The following ANLN variants were observed in gnomAD, a reference collection of about 807,000 sequenced individuals.
ANLN encodes anillin.
A neutral mutation model predicts 135.1 loss-of-function variants in ANLN; 59 were observed. That is an observed-to-expected ratio of 0.44 (90% CI 0.35 to 0.54). ANLN has a LOEUF of 0.54. Ranked by LOEUF, ANLN falls within the 20% of genes least tolerant of loss-of-function variation. The pLI is 0.00. For synonymous variants in ANLN, 406 were observed against 456.4 expected, an observed-to-expected ratio of 0.89 and a Z score of 1.41; for missense variants, 1,182 against 1,340.0, an observed-to-expected ratio of 0.88 and a Z score of 1.84.
chr7:36,396,334 A>G lies in ANLN; in HGVS notation c.87A>G (p.Ala29=), dbSNP rs1191115686. ...LQRKMAERPT[A]APRSMTHAKR... Reference sequence around the variant, plus strand: ...GAAAAATGGCTGAGAGGCCCACAGCAGCTCCAAGGTCTATGACTCATGCTA... The same window carrying G: ...GAAAAATGGCTGAGAGGCCCACAGCGGCTCCAAGGTCTATGACTCATGCTA... The change falls in exon 2 of 24, where the codon GCA becomes GCG. Residue 29 remains alanine, a synonymous_variant. Transcript: ENST00000265748. 1.2e-6 allele frequency: 2 copies of G among 1,609,662 alleles called. No homozygotes were observed. The highest frequency in any genetic ancestry group is 1.7e-6 in the Non-Finnish European group (2 of 1,176,752).
Position 36,402,333 on chromosome 7 carries a change from A to C in ANLN, c.487+2940A>C, listed in dbSNP as rs11543677. ...TCACCATGTTGGCCAGGCTGGTCTC[A>C]AACTCCTGACCTCAGGTGATCCACC... is the stretch of plus-strand genomic sequence containing the variant. On this transcript the variant is annotated intron_variant, in intron 3 of 23. Coordinates refer to ENST00000265748, the MANE Select transcript of ANLN (RefSeq NM_018685.5). Among the ~76,000 whole-genome samples, 8 of 53,036 alleles carry C rather than the reference A, an allele frequency of 1.5e-4. 4 individuals are homozygous for C. The highest frequency in any genetic ancestry group is 3.6e-4 in the Non-Finnish European group (8 of 22,384). 34.8% of individuals were successfully genotyped at this position (53,036 alleles called of 152,430 possible).
rs762296757 is a variant in ANLN, at chr7:36,415,816, C to T, written c.1454C>T (p.Ser485Leu). 25 of 1,610,600 alleles carry T rather than the reference C, an allele frequency of 1.6e-5. No homozygotes were observed. The South Asian group carries it at 2.8e-4, about 18-fold the overall frequency. Reference sequence around the variant, plus strand: ...CACCAAGGTGTTTCAAAAACTCAGTCACTTCCAGTAACAGAAAAGGTGACC... The same window carrying T: ...CACCAAGGTGTTTCAAAAACTCAGTTACTTCCAGTAACAGAAAAGGTGACC... Reference protein sequence around the residue: ...KKHQGVSKTQSLPVTEKVTEN... With the variant: ...KKHQGVSKTQLLPVTEKVTEN... The change falls in exon 8 of 24, where the codon TCA (serine) becomes TTA (leucine). Residue 485 changes from serine to leucine, a missense_variant. Physicochemically the swap from Ser to Leu is moderately radical, Grantham distance 145 (BLOSUM62 -2). Coordinates refer to ENST00000265748, the MANE Select transcript of ANLN (RefSeq NM_018685.5).
At chr7:36,431,561 T>TGTGTGTGTG (rs1788311850) in intron 20 of ANLN, among the ~76,000 whole-genome samples, 2 of 76,040 alleles carry the variant, frequency 2.6e-5, no homozygotes, top group African/African-American at 5.0e-5. Flanking sequence ...ATGTGTGTGT[T>TGTGTGTGTG]TGTGTGTGTG....
intron 13 of ANLN, among the ~76,000 whole-genome samples, 162 bp downstream of exon 13, chr7:36,422,154 GTA>G (rs1285919244): frequency 6.6e-6 from 1 of 152,198 alleles, no homozygotes; most frequent in Non-Finnish European, 1.5e-5. Flanking sequence ...AGAACTCTAT[GTA>G]AAACAAATTG....
Position 36,449,707 on chromosome 7 carries a change from CAGAT to C in ANLN, c.3125_3128del (p.Ile1042AsnfsTer16). On this transcript the variant is annotated frameshift_variant, in exon 23 of 24. Coordinates refer to ENST00000265748, the MANE Select transcript of ANLN (RefSeq NM_018685.5). LOFTEE classifies it high-confidence loss of function. ...AAATCTGGCTAATTGTACCAGTCGT[CAGAT>C]AGAACCAGCCAACAGAGAATTTTGT... 1.2e-6 allele frequency: 2 copies of C among 1,613,910 alleles called. No homozygotes were observed. Among genetic ancestry groups the C allele is most frequent in the Non-Finnish European group, 8.5e-7 (1 of 1,179,892 alleles).
At position 36,427,617 on chromosome 7, in the gene ANLN, GT is replaced by G. The variant is rs2116701646; in HGVS notation, c.2883+590del. ...CATCTGTCTGCCTTGGCCTCCCAAA[GT>G]GCTGGGATTATAGGTGTGAGCCACC... On this transcript the variant is annotated intron_variant, in intron 20 of 23. Coordinates refer to ENST00000265748, the MANE Select transcript of ANLN (RefSeq NM_018685.5). Among the ~76,000 whole-genome samples, 2 of 152,330 alleles carry G rather than the reference GT, an allele frequency of 1.3e-5. 1 individual carries two copies. The highest frequency in any genetic ancestry group is 4.1e-4 in the South Asian group (2 of 4,830).
chr7:36,435,739 A>T (rs1013963547), intron 20 of ANLN, among the ~76,000 whole-genome samples: 1 of 150,412 alleles, frequency 6.6e-6, no homozygotes, highest in Non-Finnish European at 1.5e-5. Flanking sequence ...CGGGCGTGGT[A>T]GCGGGCGCCT....
At chr7:36,436,604 A>G (rs908450961) in intron 20 of ANLN, among the ~76,000 whole-genome samples, 11 of 152,274 alleles carry the variant, frequency 7.2e-5, no homozygotes, top group African/African-American at 2.4e-4. Flanking sequence ...ATTTTCCTAC[A>G]TCTTTTCCAT....
chr7:36,411,369 A>G (rs1238284365), intron 7 of ANLN, among the ~76,000 whole-genome samples: 3 of 152,226 alleles, frequency 2.0e-5, no homozygotes, highest in Non-Finnish European at 4.4e-5. Context: ...ACTCTTCACC[A>G]TATTCATTGA....
chr7:36,452,817 T>C lies in ANLN; in HGVS notation c.*217T>C. ...GTAGAAGTAAATACATTATAGTTGA[T>C]TTTGCTAAATCTTAATTTAAAAGCC... is the stretch of plus-strand genomic sequence containing the variant. On this transcript the variant is annotated 3_prime_UTR_variant, in exon 24 of 24. Transcript: ENST00000265748. 2.8e-6 allele frequency: 1 copy of C among 360,118 alleles called. No homozygotes were observed. The highest frequency in any genetic ancestry group is 4.9e-6 in the Non-Finnish European group (1 of 205,338). The allele number at this position is 360,118 out of a possible 1,614,324, so 22.3% of individuals were successfully genotyped here.
At chr7:36,420,829 T>C in intron 12 of ANLN, 85 bp downstream of exon 12, 1 of 1,444,320 alleles carries the variant, frequency 6.9e-7, no homozygotes, top group Non-Finnish European at 9.5e-7. Context: ...CAGCCTTACT[T>C]ATCTCTGAAC....
intron 20 of ANLN, among the ~76,000 whole-genome samples, chr7:36,437,375 C>G (rs1788586936): frequency 6.6e-6 from 1 of 151,866 alleles, no homozygotes; most frequent in Admixed American, 6.6e-5. Flanking sequence ...TCTCCTTTTT[C>G]TATGCTAAAG....
At chr7:36,410,282 T>A (rs556544076) in intron 5 of ANLN, among the ~76,000 whole-genome samples, 202 of 151,856 alleles carry the variant, frequency 1.3e-3, no homozygotes, top group Middle Eastern at 6.8e-3. Context: ...TTTCAAAATT[T>A]TTTTTTTTTT....
chr7:36,427,139 C>A, intron 20 of ANLN, 111 bp downstream of exon 20: 7 of 622,574 alleles, frequency 1.1e-5, no homozygotes, highest in Non-Finnish European at 1.9e-5. Context: ...CGACTGAAAA[C>A]ATATGTTCTT....
intron 22 of ANLN, among the ~76,000 whole-genome samples, chr7:36,444,195 C>T (rs970456880): frequency 9.2e-5 from 14 of 151,424 alleles, no homozygotes; most frequent in Non-Finnish European, 1.5e-4. Flanking sequence ...GAGGCTGAGG[C>T]AGGAGAATCT....
At chr7:36,398,774 C>A (rs1055699832) in intron 2 of ANLN, among the ~76,000 whole-genome samples, 26 of 149,470 alleles carry the variant, frequency 1.7e-4, no homozygotes, top group African/African-American at 5.6e-4. Context: ...CCCTTCCGCT[C>A]TTCCCCCCAA....
intron 3 of ANLN, among the ~76,000 whole-genome samples, chr7:36,404,898 G>A (rs533708412): frequency 4.6e-5 from 7 of 152,208 alleles, no homozygotes; most frequent in Non-Finnish European, 7.4e-5. Flanking sequence ...TACTCAGAAC[G>A]GTGTGCAGTT....
At chr7:36,438,268 T>C (rs1354914075) in intron 20 of ANLN, among the ~76,000 whole-genome samples, 4 of 152,234 alleles carry the variant, frequency 2.6e-5, no homozygotes, top group Non-Finnish European at 4.4e-5. Context: ...TTGGCATCCT[T>C]GGCAAAAATC....
chr7:36,417,046 A>G (rs1787672551), intron 8 of ANLN, 34 bp from the exon 9 acceptor site: 2 of 1,132,848 alleles, frequency 1.8e-6, no homozygotes, highest in Non-Finnish European at 2.6e-6. Flanking sequence ...AGGTTCTTAT[A>G]TATATTAATA....
Sources: allele counts gnomAD v4.1 joint callset (sites outside exome capture counted in the v4.1 genomes callset), GRCh38; gene constraint gnomAD v4.1.1; transcripts MANE v1.5; gene names NCBI Gene and HGNC (gene_info 2026-07-23, HGNC 2026-07-21).